The following HIP1 variants were observed in gnomAD, a reference collection of about 807,000 sequenced individuals.
HIP1 encodes huntingtin interacting protein 1.
In HIP1, 65 loss-of-function variants were observed where a neutral mutation model predicts 147.6. The ratio of observed to expected loss-of-function variants is 0.44; its 90% CI spans 0.36 to 0.54. The LOEUF (loss-of-function observed/expected upper bound fraction) is 0.54, where lower values mean the gene tolerates loss of function less well. Ranked by LOEUF, HIP1 falls within the 20% of genes least tolerant of loss-of-function variation. The pLI, the probability that HIP1 is intolerant of heterozygous loss-of-function variation, is 0.00. For missense variants in HIP1, 1,061 were observed against 1,299.6 expected (o/e 0.82, Z 2.82); for synonymous variants, 479 against 504.0 (o/e 0.95, Z 0.67).
chr7:75,599,315 C>T (rs2117006658), intron 1 of HIP1, 68 bp from the exon 2 acceptor site: 4 of 1,226,866 alleles, frequency 3.3e-6, no homozygotes, highest in Non-Finnish European at 4.8e-6. Context: ...GGCTGAGACC[C>T]TCCCAGATGC....
At chr7:75,637,852 G>A (rs1225610811) in intron 1 of HIP1, among the ~76,000 whole-genome samples, 1 of 151,830 alleles carries the variant, frequency 6.6e-6, no homozygotes, top group Non-Finnish European at 1.5e-5. Context: ...GGCCAGGGCC[G>A]GGCAGAGAAC....
At chr7:75,571,209 G>T (rs1324743547) in intron 8 of HIP1, among the ~76,000 whole-genome samples, 1 of 152,044 alleles carries the variant, frequency 6.6e-6, no homozygotes, top group Non-Finnish European at 1.5e-5. Context: ...CTGCAGGTGT[G>T]CACCACCATG....
chr7:75,588,601 G>A (rs187207477), intron 4 of HIP1, among the ~76,000 whole-genome samples: 194 of 152,044 alleles, frequency 1.3e-3, no homozygotes, highest in Middle Eastern at 3.4e-3. Flanking sequence ...TTGGCAACAT[G>A]GCGAAAACCT....
At chr7:75,730,552 T>C (rs944422523) in intron 1 of HIP1, among the ~76,000 whole-genome samples, 197 of 151,652 alleles carry the variant, frequency 1.3e-3, no homozygotes, top group African/African-American at 4.5e-3. Flanking sequence ...TTGGTCAGGC[T>C]GGTCTTGAAC....
chr7:75,734,245 C>CAAATAAATAAATAAAT (rs57376870), intron 1 of HIP1, among the ~76,000 whole-genome samples: 3 of 140,230 alleles, frequency 2.1e-5, no homozygotes, highest in South Asian at 2.4e-4. Context: ...GACTCTGTCT[C>CAAATAAATAAATAAAT]AAATAAATAA....
At chr7:75,612,201 A>G (rs746781224) in intron 1 of HIP1, among the ~76,000 whole-genome samples, 1 of 152,210 alleles carries the variant, frequency 6.6e-6, no homozygotes, top group African/African-American at 2.4e-5. Flanking sequence ...CAGATGGGAA[A>G]GGAGAAGGGC....
intron 9 of HIP1, among the ~76,000 whole-genome samples, chr7:75,567,259 A>G (rs56937289): frequency 0.12 from 17,805 of 150,740 alleles, 1,553 homozygotes; most frequent in African/African-American, 0.18. Flanking sequence ...GCTGGCATTC[A>G]GAAGTAAGGT....
intron 1 of HIP1, among the ~76,000 whole-genome samples, chr7:75,720,676 AT>A (rs1363723468): frequency 6.6e-6 from 1 of 152,222 alleles, no homozygotes; most frequent in Non-Finnish European, 1.5e-5. Flanking sequence ...ATGGCATGAT[AT>A]TCAGACACTC....
intron 1 of HIP1, among the ~76,000 whole-genome samples, chr7:75,607,572 G>A (rs749016371): frequency 2.6e-4 from 39 of 149,824 alleles, no homozygotes; most frequent in Middle Eastern, 3.4e-3. Flanking sequence ...TGCGGTGGCC[G>A]TGCCTGTAGT....
intron 1 of HIP1, among the ~76,000 whole-genome samples, chr7:75,600,141 T>TA (rs1796922020): frequency 6.9e-6 from 1 of 145,492 alleles, no homozygotes; most frequent in Non-Finnish European, 1.5e-5. Context: ...AGCGGAGTCT[T>TA]ACTCTGTCGC....
intron 1 of HIP1, among the ~76,000 whole-genome samples, chr7:75,600,093 A>C (rs1796919876): frequency 6.7e-6 from 1 of 149,006 alleles, no homozygotes; most frequent in Non-Finnish European, 1.5e-5. Context: ...GCGAACCCCA[A>C]AGTTCTGGGA....
chr7:75,543,652 C>T (rs782233665), intron 27 of HIP1, among the ~76,000 whole-genome samples: 8 of 152,116 alleles, frequency 5.3e-5, no homozygotes, highest in Admixed American at 3.3e-4. Context: ...CAAATTTGAA[C>T]ACTAATAAAG....
At chr7:75,620,383 CTT>C (rs34293597) in intron 1 of HIP1, among the ~76,000 whole-genome samples, 1 of 110,340 alleles carries the variant, frequency 9.1e-6, no homozygotes, top group South Asian at 3.0e-4. Flanking sequence ...AAGACCATGT[CTT>C]TAAAAAAAAA....
intron 1 of HIP1, among the ~76,000 whole-genome samples, chr7:75,622,786 T>C (rs1486808856): frequency 2.0e-5 from 3 of 151,810 alleles, no homozygotes; most frequent in Non-Finnish European, 4.4e-5. Flanking sequence ...GAGGCTGTAG[T>C]GAGCTATGAC....
At chr7:75,584,123 G>C (rs991665396) in intron 5 of HIP1, among the ~76,000 whole-genome samples, 7 of 149,488 alleles carry the variant, frequency 4.7e-5, no homozygotes, top group African/African-American at 1.2e-4. Context: ...CACCATGCCC[G>C]GCTAATTTTT....
intron 1 of HIP1, among the ~76,000 whole-genome samples, chr7:75,621,918 T>C (rs1554507185): frequency 3.9e-5 from 6 of 152,106 alleles, no homozygotes; most frequent in Non-Finnish European, 7.4e-5. Flanking sequence ...AGGTTAGACA[T>C]GACACACCCA....
rs57827695 is a variant in HIP1 at position 75,639,562 on chromosome 7, CGTGTGTGTGTGTGTGTGTGT to C, written c.121-40335_121-40316del. Among the ~76,000 whole-genome samples the C allele has an allele frequency of 1.1e-4, 15 of 137,470 alleles. No homozygotes were observed. The East Asian group carries it at 2.2e-3, about 20-fold the overall frequency. 90.2% of individuals were successfully genotyped at this position (137,470 alleles called of 152,430 possible). A position where few individuals can be genotyped will look rare whatever the true frequency, so the allele number is the denominator to read the frequency against. ...GAGAGGCCGCCGGCCCGCCAGGAAG[CGTGTGTGTGTGTGTGTGTGT>C]GTGTGTGTGTGCGCCCGCGTGTGTG... On this transcript the variant is annotated intron_variant, in intron 1 of 30. Transcript: ENST00000336926.
intron 1 of HIP1, among the ~76,000 whole-genome samples, chr7:75,692,933 G>A (rs1353926864): frequency 6.6e-6 from 1 of 151,968 alleles, no homozygotes; most frequent in Non-Finnish European, 1.5e-5. Context: ...GGGAGGCTGA[G>A]GCGGGAAAAT....
At chr7:75,715,774 CAAAAAAAAAAA>C (rs34769081) in intron 1 of HIP1, among the ~76,000 whole-genome samples, 1 of 36,718 alleles carries the variant, frequency 2.7e-5, no homozygotes, top group African/African-American at 1.2e-4. Context: ...GATCCTGTCT[CAAAAAAAAAAA>C]AAAAAAAAAA....
Sources: gnomAD v4.1 joint callset for allele counts (sites outside exome capture counted in the v4.1 genomes callset) on GRCh38, gnomAD v4.1.1 for gene constraint, MANE v1.5 for transcripts, NCBI Gene and HGNC (gene_info 2026-07-23, HGNC 2026-07-21) for gene names.